Variants in PCDH17 observed in about 807,000 individuals in gnomAD.
PCDH17 encodes protocadherin-17.
PCDH17 carries 21 observed loss-of-function variants against 67.7 expected under a neutral mutation model. The ratio of observed to expected loss-of-function variants is 0.31; its 90% CI spans 0.22 to 0.45. The LOEUF is 0.45. Ranked by LOEUF, PCDH17 falls within the 20% of genes least tolerant of loss-of-function variation. The pLI is 1.00. For synonymous variants in PCDH17, 701 were observed against 656.7 expected (o/e 1.07, Z -1.03); for missense variants, 1,471 against 1,564.8 (o/e 0.94, Z 1.01).
At chr13:57,701,037 CCTT>C in intron 3 of PCDH17, among the ~76,000 whole-genome samples, 1 of 152,004 alleles carries the variant, frequency 6.6e-6, no homozygotes. Flanking sequence ...ACAATAATGT[CCTT>C]CTTTTGAGTC....
chr13:57,700,701 G>A (rs1379322635), intron 3 of PCDH17, among the ~76,000 whole-genome samples: 1 of 151,946 alleles, frequency 6.6e-6, no homozygotes, highest in Admixed American at 6.6e-5. Flanking sequence ...TTGTCCAAAG[G>A]CATTTGTCTT....
rs1038129384 is a variant in PCDH17, at chr13:57,665,060, G to A, written c.2566-1408G>A. ...CACCTTTTTCACTTCATCTTTGCATGTACTTTGACATGCAGGTGAGTGAAG... is the reference window on the plus strand; with the variant it reads ...CACCTTTTTCACTTCATCTTTGCATATACTTTGACATGCAGGTGAGTGAAG... On this transcript the variant is annotated intron_variant, in intron 1 of 3. Transcript: ENST00000377918. 1.5e-4 allele frequency among the ~76,000 whole-genome samples: 23 copies of A among 152,240 alleles called. No homozygotes were observed. The East Asian group carries it at 2.3e-3, about 15-fold the overall frequency.
At chr13:57,641,805 AT>A (rs1267712089) in intron 1 of PCDH17, among the ~76,000 whole-genome samples, 2 of 150,854 alleles carry the variant, frequency 1.3e-5, no homozygotes, top group Non-Finnish European at 3.0e-5. Context: ...ATTCAAAAAA[AT>A]AAGGCAGTTA....
At chr13:57,650,875 C>T (rs1346202882) in intron 1 of PCDH17, among the ~76,000 whole-genome samples, 1 of 152,138 alleles carries the variant, frequency 6.6e-6, no homozygotes, top group Non-Finnish European at 1.5e-5. Context: ...ATTCAAAAGA[C>T]TCAGGCCTGA....
chr13:57,673,506 AC>A (rs1423753408), intron 3 of PCDH17, among the ~76,000 whole-genome samples: 1 of 151,968 alleles, frequency 6.6e-6, no homozygotes, highest in Non-Finnish European at 1.5e-5. Context: ...CTTCCACGTA[AC>A]CAAGAACATG....
At chr13:57,674,423 C>A (rs1336336827) in intron 3 of PCDH17, among the ~76,000 whole-genome samples, 1 of 151,814 alleles carries the variant, frequency 6.6e-6, no homozygotes, top group Admixed American at 6.6e-5. Flanking sequence ...ATCTCCTGGG[C>A]TCAAGTGATC....
rs138615233 is a variant in PCDH17 at position 57,634,047 on chromosome 13, C to T, written c.1501C>T (p.Leu501=). ...LGSVLAQDPD[L]GQNGTVSYSI... ...CTCTGTGCTCGCCCAGGATCCCGAC[C>T]TGGGCCAGAACGGCACCGTATCCTA... Residue 501 remains leucine (L), a synonymous_variant, in exon 1 of 4, where the codon CTG becomes TTG. Transcript: ENST00000377918. The surrounding 1 kb of genome is among the most constrained non-coding windows in gnomAD (Gnocchi z 7.8). 1.9e-6 allele frequency: 3 copies of T among 1,613,450 alleles called. No individual in the cohort carries two copies. The highest frequency in any genetic ancestry group is 2.5e-6 in the Non-Finnish European group (3 of 1,180,022).
chr13:57,638,941 C>G (rs1014864333), intron 1 of PCDH17, among the ~76,000 whole-genome samples: 1 of 151,946 alleles, frequency 6.6e-6, no homozygotes, highest in Admixed American at 6.6e-5. Flanking sequence ...ATACTCTAGC[C>G]TATTAATGAT....
chr13:57,707,818 C>T (rs956077406), intron 3 of PCDH17, among the ~76,000 whole-genome samples: 1 of 151,970 alleles, frequency 6.6e-6, no homozygotes, highest in Admixed American at 6.6e-5. Context: ...GTCTATGGTC[C>T]CATGATGTTC....
At chr13:57,667,567 C>T (rs1212443392) in intron 3 of PCDH17, among the ~76,000 whole-genome samples, 1 of 151,650 alleles carries the variant, frequency 6.6e-6, no homozygotes, top group Non-Finnish European at 1.5e-5. Context: ...TTTTTATGTC[C>T]TATTGTAAAA....
Position 57,727,412 on chromosome 13 carries a change from A to C in PCDH17, c.*2118A>C, listed in dbSNP as rs1405951523. The stretch of plus-strand genomic sequence containing the variant: ...CAAAAGCAAAAACAAACATTGAATT[A>C]AATTAAGTTTTGTAATTTTAAACTT... On this transcript the variant is annotated 3_prime_UTR_variant, in exon 4 of 4. Transcript: ENST00000377918. 6.6e-6 allele frequency: 1 copy of C among 152,422 alleles called. No individual in the cohort carries two copies. Among genetic ancestry groups the C allele is most frequent in the African/African-American group, 2.4e-5 (1 of 41,470 alleles). The allele number at this position is 152,422 out of a possible 1,614,324, so 9.4% of individuals were successfully genotyped here. A position where few individuals can be genotyped will look rare whatever the true frequency, so the allele number is the denominator to read the frequency against.
intron 3 of PCDH17, among the ~76,000 whole-genome samples, chr13:57,715,325 C>T (rs945656717): frequency 1.3e-4 from 19 of 151,522 alleles, no homozygotes; most frequent in South Asian, 4.2e-4. Flanking sequence ...ATAGGTTACC[C>T]GTAGTGTTTG....
chr13:57,681,051 T>C (rs1955444186), intron 3 of PCDH17, among the ~76,000 whole-genome samples: 1 of 151,778 alleles, frequency 6.6e-6, no homozygotes, highest in Admixed American at 6.6e-5. Flanking sequence ...GCAAGTGCTT[T>C]TAAACACATC....
intron 3 of PCDH17, among the ~76,000 whole-genome samples, chr13:57,700,986 A>T (rs895532268): frequency 3.9e-5 from 6 of 152,078 alleles, no homozygotes; most frequent in African/African-American, 1.4e-4. Context: ...AACACAGGAA[A>T]ACCCCATCTC....
chr13:57,727,831 A>G lies in PCDH17; in HGVS notation c.*2537A>G, dbSNP rs973408919. The G allele has an allele frequency of 6.6e-6, 1 of 152,406 alleles. No homozygotes were observed. Among genetic ancestry groups the G allele is most frequent in the African/African-American group, 2.4e-5 (1 of 41,446 alleles). The allele number at this position is 152,406 out of a possible 1,614,324, so 9.4% of individuals were successfully genotyped here. ...TACCAAGTGTTGCTTCTCTCTTACT[A>G]GACAGATATCCACTTAGTAAAATCT... On this transcript the variant is annotated 3_prime_UTR_variant, in exon 4 of 4. Transcript: ENST00000377918.
rs531459540 is a variant in PCDH17, at chr13:57,726,464, G to A, written c.*1170G>A. ...GGCAAGTGTTGCCTTGGTAGCTGTC[G>A]AACTCTATGAGTTTTGTTTTTTCCT... is the stretch of plus-strand genomic sequence containing the variant. On this transcript the variant is annotated 3_prime_UTR_variant, in exon 4 of 4. Transcript: ENST00000377918. 2 of 152,594 alleles carry A rather than the reference G, an allele frequency of 1.3e-5. No homozygotes were observed. The highest frequency in any genetic ancestry group is 2.4e-5 in the African/African-American group (1 of 41,446). The allele number at this position is 152,594 out of a possible 1,614,324, so 9.5% of individuals were successfully genotyped here.
At position 57,633,725 on chromosome 13, in the gene PCDH17, C is replaced by T. The variant is rs1276266965; in HGVS notation, c.1179C>T (p.Gly393=). The T allele has an allele frequency of 1.3e-6, 2 of 1,544,918 alleles. No homozygotes were observed. Among genetic ancestry groups the T allele is most frequent in the Non-Finnish European group, 1.8e-6 (2 of 1,136,542 alleles). Residue 393 remains glycine, a synonymous_variant, in exon 1 of 4, where the codon GGC becomes GGT. Coordinates refer to ENST00000377918, the MANE Select transcript of PCDH17 (RefSeq NM_001040429.3). This position sits in a 1 kb window ranked among gnomAD's most constrained non-coding sequence, Gnocchi z 6.2. ...GACAGCTGCAGTGTCGGGTCCTAGG[C>T]GGAGGAGGGACGGGCGGCGGCGGGG... ...KNGQLQCRVL[G]GGGTGGGGGL...
At position 57,633,432 on chromosome 13, in the gene PCDH17, A is replaced by G. The variant is rs892819058; in HGVS notation, c.886A>G (p.Ile296Val). 2 of 1,613,500 alleles carry G rather than the reference A, an allele frequency of 1.2e-6. No homozygotes were observed. Among genetic ancestry groups the G allele is most frequent in the Non-Finnish European group, 8.5e-7 (1 of 1,180,020 alleles). ...TGACCGCGTGCGGGAGCTCTTCTCC[A>G]TCGACCCCAAGACCGGCCTAATCCG... Reference protein sequence around the residue: ...VPDRVRELFSIDPKTGLIRVK... With the variant: ...VPDRVRELFSVDPKTGLIRVK... The change falls in exon 1 of 4, where the codon ATC (isoleucine) becomes GTC (valine). Residue 296 changes from isoleucine to valine, a missense_variant. This residue lies in a region of PCDH17 where 1,163 missense variants were observed against 1,230.0 expected (regional missense o/e 0.95). Transcript: ENST00000377918. The surrounding 1 kb of genome is among the most constrained non-coding windows in gnomAD (Gnocchi z 6.2).
chr13:57,675,059 A>AT (rs1427473983), intron 3 of PCDH17, among the ~76,000 whole-genome samples: 1 of 151,916 alleles, frequency 6.6e-6, no homozygotes, highest in Non-Finnish European at 1.5e-5. Flanking sequence ...AAGTCTCCAA[A>AT]TAGGCACATC....
Sources: gnomAD v4.1 joint callset for allele counts (sites outside exome capture counted in the v4.1 genomes callset) on GRCh38, gnomAD v4.1.1 for gene constraint, gnomAD v4.1.1 regional missense constraint, Gnocchi (gnomAD v3.1) non-coding constraint, MANE v1.5 for transcripts, NCBI Gene and HGNC (gene_info 2026-07-23, HGNC 2026-07-21) for gene names.